Variants in SVIL observed in about 807,000 individuals in gnomAD.
SVIL encodes supervillin.
Under a neutral mutation model 240.4 loss-of-function variants are expected in SVIL, and 101 were observed. The ratio of observed to expected loss-of-function variants is 0.42; its 90% CI spans 0.36 to 0.50. The LOEUF (loss-of-function observed/expected upper bound fraction) is 0.50, where lower values mean the gene tolerates loss of function less well. Ranked by LOEUF, SVIL falls within the 20% of genes least tolerant of loss-of-function variation. SVIL has a pLI of 0.01. For missense variants in SVIL, 2,512 were observed against 2,818.7 expected, an observed-to-expected ratio of 0.89 and a Z score of 2.46; for synonymous variants, 999 against 1,100.0, an observed-to-expected ratio of 0.91 and a Z score of 1.82.
At chr10:29,726,239 T>C (rs1162908207) in intron 1 of SVIL, among the ~76,000 whole-genome samples, 1 of 152,166 alleles carries the variant, frequency 6.6e-6, no homozygotes, top group African/African-American at 2.4e-5. Context: ...ATATCTTTTA[T>C]ATCAAATGGC....
chr10:29,723,983 G>A (rs1964134944), intron 1 of SVIL, among the ~76,000 whole-genome samples: 1 of 152,160 alleles, frequency 6.6e-6, no homozygotes, highest in Non-Finnish European at 1.5e-5. Flanking sequence ...GGAAAATAAT[G>A]GAGAAGACAT....
chr10:29,603,381 A>G (rs979580565), intron 1 of SVIL, among the ~76,000 whole-genome samples: 2 of 152,228 alleles, frequency 1.3e-5, no homozygotes, highest in Non-Finnish European at 2.9e-5. Context: ...TATTTCCAAG[A>G]AAGAGTTCTG....
intron 23 of SVIL, among the ~76,000 whole-genome samples, chr10:29,487,916 A>G (rs986382567): frequency 6.6e-6 from 1 of 152,200 alleles, no homozygotes; most frequent in African/African-American, 2.4e-5. Context: ...TTAAATACAC[A>G]CAATAGGATA....
At chr10:29,536,425 C>T (rs756229381) in intron 6 of SVIL, among the ~76,000 whole-genome samples, 4 of 152,056 alleles carry the variant, frequency 2.6e-5, no homozygotes, top group African/African-American at 7.2e-5. Flanking sequence ...AATAAACAAA[C>T]AGGAATATTA....
At chr10:29,622,198 CG>C (rs1957678199) in intron 1 of SVIL, among the ~76,000 whole-genome samples, 1 of 126,814 alleles carries the variant, frequency 7.9e-6, no homozygotes, top group African/African-American at 3.0e-5. Flanking sequence ...TGCAGTGAGC[CG>C]AGATCGCGCC....
intron 1 of SVIL, among the ~76,000 whole-genome samples, chr10:29,605,005 G>A (rs991917148): frequency 1.3e-5 from 2 of 152,182 alleles, no homozygotes; most frequent in African/African-American, 4.8e-5. Context: ...GGATAAGGGC[G>A]GGAATACTGT....
chr10:29,561,042 C>T (rs1213336129), intron 3 of SVIL, among the ~76,000 whole-genome samples: 3 of 151,096 alleles, frequency 2.0e-5, no homozygotes, highest in Admixed American at 6.6e-5. Context: ...AGGATGGTCT[C>T]GATCTCCTGA....
At chr10:29,681,064 G>A (rs544032300) in intron 2 of SVIL, among the ~76,000 whole-genome samples, 3 of 152,212 alleles carry the variant, frequency 2.0e-5, no homozygotes, top group East Asian at 3.9e-4. Flanking sequence ...ACTGCAGGGC[G>A]GAAGAGAGGT....
intron 2 of SVIL, among the ~76,000 whole-genome samples, chr10:29,685,652 G>T (rs1376547336): frequency 3.9e-5 from 6 of 152,162 alleles, no homozygotes; most frequent in Non-Finnish European, 8.8e-5. Context: ...GTTTTGACTT[G>T]CATTTCTCTA....
chr10:29,645,481 G>T (rs1359920450), intron 3 of SVIL, among the ~76,000 whole-genome samples: 1 of 152,084 alleles, frequency 6.6e-6, no homozygotes, highest in Non-Finnish European at 1.5e-5. Flanking sequence ...GAGGCAGGAG[G>T]GTTGCTTGAA....
At position 29,707,848 on chromosome 10, in the gene SVIL, C is replaced by T. The variant is rs975705512; in HGVS notation, c.-399-21197G>A. ...TAACCTAGGTCACTATTATCATCCC[C>T]ATTTCATAAATGAGAAAATGAAGGC... On this transcript the variant is annotated intron_variant, in intron 1 of 35. Coordinates refer to the SVIL transcript ENST00000375400. Among the ~76,000 whole-genome samples the T allele has an allele frequency of 2.0e-5, 3 of 152,056 alleles. No homozygotes were observed. The East Asian group carries it at 5.8e-4, about 29-fold the overall frequency.
chr10:29,612,406 A>G (rs1264876376), intron 1 of SVIL, among the ~76,000 whole-genome samples: 1 of 152,086 alleles, frequency 6.6e-6, no homozygotes, highest in Non-Finnish European at 1.5e-5. Context: ...TACATCATCC[A>G]TGGTATCAGG....
Position 29,480,567 on chromosome 10 carries a change from C to T in SVIL, c.5347G>A (p.Val1783Ile), listed in dbSNP as rs1236542127. 1.5e-5 allele frequency: 25 copies of T among 1,613,490 alleles called. No individual in the cohort carries two copies. The highest frequency in any genetic ancestry group is 2.0e-5 in the Non-Finnish European group (24 of 1,180,004). ...GQFHEGDAYVVKWKFMVSTAV... is the reference protein window; with the variant it reads ...GQFHEGDAYVIKWKFMVSTAV... ...GTGCTCACCATGAACTTCCACTTGA[C>T]CACATAGGCATCCCCCTCATGGAAC... Residue 1783 changes from valine to isoleucine, a missense_variant, in exon 29 of 38, where the codon GTC becomes ATC. By Grantham distance (29) the Val-to-Ile change is conservative. Around this residue, in one of 3 missense-constraint regions of SVIL, gnomAD observed 797 missense variants for 925.3 expected, o/e 0.86. Transcript: ENST00000355867.
intron 1 of SVIL, among the ~76,000 whole-genome samples, chr10:29,590,165 C>CACA (rs1956333199): frequency 1.3e-5 from 1 of 79,668 alleles, no homozygotes; most frequent in Admixed American, 1.4e-4. Context: ...GACTCCGTCT[C>CACA]AAAAAAAAAA....
chr10:29,500,446 C>A (rs1159676313), intron 17 of SVIL, among the ~76,000 whole-genome samples: 1 of 152,134 alleles, frequency 6.6e-6, no homozygotes, highest in African/African-American at 2.4e-5. Context: ...CTGTCACCTG[C>A]TGGTTTCTGG....
intron 1 of SVIL, among the ~76,000 whole-genome samples, chr10:29,611,452 A>T (rs903514390): frequency 1.3e-5 from 2 of 151,790 alleles, no homozygotes; most frequent in African/African-American, 4.8e-5. Context: ...ACTCCCAAGC[A>T]GGACGGCATG....
intron 6 of SVIL, among the ~76,000 whole-genome samples, chr10:29,545,659 A>G (rs774962755): frequency 1.6e-4 from 24 of 152,070 alleles, no homozygotes; most frequent in Non-Finnish European, 2.6e-4. Flanking sequence ...GATCAAGACC[A>G]TCCTGGCCAA....
chr10:29,706,583 T>C (rs1413610187), intron 1 of SVIL, among the ~76,000 whole-genome samples: 1 of 152,174 alleles, frequency 6.6e-6, no homozygotes, highest in Non-Finnish European at 1.5e-5. Context: ...TTGCAAAAAG[T>C]TTCTCCCATT....
intron 1 of SVIL, among the ~76,000 whole-genome samples, chr10:29,697,325 G>C (rs974150101): frequency 4.6e-5 from 4 of 86,078 alleles, no homozygotes; most frequent in African/African-American, 2.0e-4. Context: ...GTACCCAACA[G>C]CTCATTGAGA....
Sources: gnomAD v4.1 joint callset for allele counts (sites outside exome capture counted in the v4.1 genomes callset) on GRCh38, gnomAD v4.1.1 for gene constraint, gnomAD v4.1.1 regional missense constraint, MANE v1.5 for transcripts, NCBI Gene and HGNC (gene_info 2026-07-23, HGNC 2026-07-21) for gene names.